MAGI1: variants seen among roughly 807,000 people sequenced by gnomAD.
MAGI1 encodes the protein membrane-associated guanylate kinase, WW and PDZ domain-containing protein 1.
MAGI1 carries 58 observed loss-of-function variants against 139.9 expected under a neutral mutation model. The ratio of observed to expected loss-of-function variants is 0.41; its 90% CI spans 0.34 to 0.52. MAGI1 has a LOEUF of 0.52. Among genes scored for constraint, MAGI1 ranks in the 20% least tolerant of loss-of-function variants. The probability of loss-of-function intolerance (pLI) is 0.12; values close to 1 mark genes in which losing one functional copy is unlikely to be tolerated. For missense variants in MAGI1, 1,874 were observed against 1,901.6 expected, an observed-to-expected ratio of 0.99 and a Z score of 0.27; for synonymous variants, 812 against 737.9, an observed-to-expected ratio of 1.10 and a Z score of -1.63.
intron 1 of MAGI1, among the ~76,000 whole-genome samples, chr3:65,866,874 G>A (rs1212559299): frequency 2.6e-5 from 4 of 152,180 alleles, no homozygotes; most frequent in African/African-American, 9.7e-5. Context: ...CAGGGAAGAA[G>A]GGAGGCATCA....
At chr3:65,952,770 T>C (rs2063929391) in intron 1 of MAGI1, among the ~76,000 whole-genome samples, 1 of 152,172 alleles carries the variant, frequency 6.6e-6, no homozygotes, top group South Asian at 2.1e-4. Flanking sequence ...GCCAAGATCA[T>C]GCCACTGCAC....
chr3:65,973,403 A>G (rs1485629854), intron 1 of MAGI1, among the ~76,000 whole-genome samples: 1 of 152,140 alleles, frequency 6.6e-6, no homozygotes, highest in Non-Finnish European at 1.5e-5. Flanking sequence ...ATTTAATAAG[A>G]TACACCATTT....
rs529275347 is a variant in MAGI1 at position 65,922,101 on chromosome 3, C to T, written c.313+115895G>A. ...CCATCACTCATTTAACCTTCAAAAT[C>T]GCCTAAGATACAGGTACTATTATTA... On this transcript the variant is annotated intron_variant, in intron 1 of 22. Coordinates refer to ENST00000402939, the MANE Select transcript of MAGI1 (RefSeq NM_001033057.2). Among the ~76,000 whole-genome samples the T allele has an allele frequency of 7.2e-5, 11 of 152,268 alleles. No homozygotes were observed. The East Asian group carries it at 1.2e-3, about 16-fold the overall frequency.
At chr3:65,806,837 C>A (rs1472300685) in intron 1 of MAGI1, among the ~76,000 whole-genome samples, 1 of 152,148 alleles carries the variant, frequency 6.6e-6, no homozygotes, top group Non-Finnish European at 1.5e-5. Flanking sequence ...AAAACTGTTC[C>A]AGACATTCCA....
At chr3:65,878,537 C>T (rs1403032123) in intron 1 of MAGI1, among the ~76,000 whole-genome samples, 1 of 145,228 alleles carries the variant, frequency 6.9e-6, no homozygotes, top group Non-Finnish European at 1.5e-5. Flanking sequence ...AAAAAAAGAA[C>T]GCAGACTTAT....
At chr3:65,632,143 G>A (rs1391744208) in intron 1 of MAGI1, among the ~76,000 whole-genome samples, 1 of 152,072 alleles carries the variant, frequency 6.6e-6, no homozygotes, top group African/African-American at 2.4e-5. Flanking sequence ...CTAGATTGAT[G>A]AGTATGAATA....
intron 1 of MAGI1, among the ~76,000 whole-genome samples, chr3:65,920,329 C>G (rs2062115580): frequency 6.6e-6 from 1 of 152,284 alleles, no homozygotes; most frequent in Non-Finnish European, 1.5e-5. Context: ...TATTAAAAAA[C>G]AAGGGCTCTA....
At chr3:65,733,441 C>T (rs914749755) in intron 1 of MAGI1, among the ~76,000 whole-genome samples, 2 of 152,194 alleles carry the variant, frequency 1.3e-5, no homozygotes, top group African/African-American at 4.8e-5. Context: ...GACCTCAAAA[C>T]ACTGTAATAA....
chr3:65,562,828 T>A (rs977394946), intron 2 of MAGI1, among the ~76,000 whole-genome samples: 1 of 152,234 alleles, frequency 6.6e-6, no homozygotes, highest in Non-Finnish European at 1.5e-5. Flanking sequence ...ATAAAATTAT[T>A]CATATGTATT....
At chr3:65,753,596 C>A (rs1273497230) in intron 1 of MAGI1, among the ~76,000 whole-genome samples, 2 of 151,688 alleles carry the variant, frequency 1.3e-5, no homozygotes, top group African/African-American at 4.8e-5. Flanking sequence ...TGGCACATGC[C>A]TGTAATCCCA....
intron 1 of MAGI1, among the ~76,000 whole-genome samples, chr3:65,778,169 C>A (rs1435491837): frequency 5.3e-5 from 8 of 152,112 alleles, no homozygotes; most frequent in Admixed American, 3.3e-4. Context: ...GTGACTCACG[C>A]CTGTAATCCC....
chr3:65,678,464 C>T (rs1379639325), intron 1 of MAGI1, among the ~76,000 whole-genome samples: 2 of 151,920 alleles, frequency 1.3e-5, no homozygotes, highest in African/African-American at 4.8e-5. Flanking sequence ...TTGTTGCTAA[C>T]AAAACAAAAG....
chr3:65,764,877 C>A lies in MAGI1; in HGVS notation c.314-142789G>T, dbSNP rs187611895. ...TCTCCTAGATATTTAAAAACAGAAC[C>A]GCTTGTTTTGTCCTTTTTCACTTGG... On this transcript the variant is annotated intron_variant, in intron 1 of 22. Transcript: ENST00000402939. 2.2e-3 allele frequency among the ~76,000 whole-genome samples: 339 copies of A among 152,260 alleles called. 3 individuals carry two copies. Among genetic ancestry groups the A allele is most frequent in the African/African-American group, 8.0e-3 (331 of 41,570 alleles).
At chr3:65,980,039 C>T (rs1389045369) in intron 1 of MAGI1, among the ~76,000 whole-genome samples, 2 of 152,052 alleles carry the variant, frequency 1.3e-5, no homozygotes, top group African/African-American at 2.4e-5. Flanking sequence ...CCTGGGCAAC[C>T]GACACATCTG....
intron 1 of MAGI1, among the ~76,000 whole-genome samples, chr3:65,824,009 TGAA>T (rs1209023136): frequency 2.0e-5 from 3 of 152,200 alleles, no homozygotes; most frequent in Non-Finnish European, 4.4e-5. Context: ...ACTGATAAAA[TGAA>T]GAATCTTTTA....
At chr3:66,010,573 G>A (rs543303794) in intron 1 of MAGI1, among the ~76,000 whole-genome samples, 42 of 152,154 alleles carry the variant, frequency 2.8e-4, no homozygotes, top group Non-Finnish European at 4.7e-4. Flanking sequence ...ACTTCTAGGC[G>A]TTCCTCACTT....
At chr3:65,375,398 A>G (rs1313667750) in intron 18 of MAGI1, among the ~76,000 whole-genome samples, 1 of 151,678 alleles carries the variant, frequency 6.6e-6, no homozygotes, top group Non-Finnish European at 1.5e-5. Context: ...CGTGTTAGCC[A>G]GGATGGTCTC....
At chr3:65,516,914 G>A (rs1161576066) in intron 2 of MAGI1, among the ~76,000 whole-genome samples, 2 of 149,868 alleles carry the variant, frequency 1.3e-5, no homozygotes, top group Admixed American at 6.7e-5. Flanking sequence ...ATTTTTAGTA[G>A]AGACGGGGTT....
intron 14 of MAGI1, among the ~76,000 whole-genome samples, chr3:65,386,031 GT>G (rs1943421289): frequency 6.6e-6 from 1 of 152,142 alleles, no homozygotes; most frequent in African/African-American, 2.4e-5. Context: ...TGCTGAGTGT[GT>G]GGCTTTTCTG....
Sources: allele counts gnomAD v4.1 joint callset (sites outside exome capture counted in the v4.1 genomes callset), GRCh38; gene constraint gnomAD v4.1.1; transcripts MANE v1.5; gene names NCBI Gene and HGNC (gene_info 2026-07-23, HGNC 2026-07-21).